Variants in MUC17 observed in about 807,000 individuals in gnomAD.
The protein encoded by MUC17 is mucin-17.
MUC17 carries 190 observed loss-of-function variants against 170.3 expected under a neutral mutation model. That is an observed-to-expected ratio of 1.12 (90% CI 0.99 to 1.26). The LOEUF is 1.26. Among genes scored for constraint, MUC17 ranks in the 50% most tolerant of loss-of-function variants. MUC17 has a pLI of 0.00. For missense variants in MUC17, 6,415 were observed against 5,530.0 expected, an observed-to-expected ratio of 1.16 and a Z score of -5.08; for synonymous variants, 2,325 against 2,002.5, an observed-to-expected ratio of 1.16 and a Z score of -4.30.
rs201331981 is a variant in MUC17 at position 101,035,731 on chromosome 7, A to C, written c.4315A>C (p.Thr1439Pro). ...TGCTGAAGCCACTTCATCTCCTACA[A>C]CTGCTGAAGGTATCAGCATACCAAC... ...TSAEATSSPT[T>P]AEGISIPTST... Residue 1439 changes from threonine to proline, a missense_variant, in exon 3 of 13, where the codon ACT (threonine) becomes CCT (proline). Transcript: ENST00000306151. 3.7e-6 allele frequency: 6 copies of C among 1,608,888 alleles called. No homozygotes were observed. Among genetic ancestry groups the C allele is most frequent in the African/African-American group, 1.3e-5 (1 of 74,236 alleles).
At position 101,033,687 on chromosome 7, in the gene MUC17, G is replaced by C. The variant is rs138994021; in HGVS notation, c.2271G>C (p.Thr757=). 2 of 1,606,920 alleles carry C rather than the reference G, an allele frequency of 1.2e-6. No individual in the cohort carries two copies. The change falls in exon 3 of 13, where the codon ACG becomes ACC. Residue 757 remains threonine (T), a synonymous_variant. Coordinates refer to ENST00000306151, the MANE Select transcript of MUC17 (RefSeq NM_001040105.2). ...TAACAAGTATGCCTGTCAGCAAAAC[G>C]CTGTTGACCAGTTCTGAGGCTAGCA... The part of the protein sequence containing the change: ...TPLTSMPVSK[T]LLTSSEASTL...
rs758817472 is a variant in MUC17 at position 101,034,727 on chromosome 7, C to A, written c.3311C>A (p.Thr1104Lys). The A allele has an allele frequency of 1.2e-5, 19 of 1,606,850 alleles. No individual in the cohort carries two copies. In the African/African-American group the frequency reaches 2.3e-4, roughly 19 times the overall value. Reference protein sequence around the residue: ...STYSEGSTPLTSVPVSTRLVV... With the variant: ...STYSEGSTPLKSVPVSTRLVV... The stretch of plus-strand genomic sequence containing the variant: ...TATAGTGAAGGAAGCACTCCACTAA[C>A]AAGTGTGCCTGTCAGCACCAGGCTG... Residue 1104 changes from threonine to lysine, a missense_variant, in exon 3 of 13, where the codon ACA becomes AAA. Coordinates refer to ENST00000306151, the MANE Select transcript of MUC17 (RefSeq NM_001040105.2).
Position 101,053,324 on chromosome 7 carries a change from T to C in MUC17, c.13266-15T>C. On this transcript the variant is annotated splice_polypyrimidine_tract_variant and intron_variant, in intron 10 of 12. Transcript: ENST00000306151. Reference sequence around the variant, plus strand: ...CCCAATCCTAATGGGGTCTCTCTGATGTTTCCATCACTAGGCAAAAGTACA... The same window carrying C: ...CCCAATCCTAATGGGGTCTCTCTGACGTTTCCATCACTAGGCAAAAGTACA... The C allele has an allele frequency of 6.2e-7, 1 of 1,611,670 alleles. No homozygotes were observed. Among genetic ancestry groups the C allele is most frequent in the Non-Finnish European group, 8.5e-7 (1 of 1,177,744 alleles).
rs369253246 is a variant in MUC17 at position 101,020,178 on chromosome 7, G to A, written c.43G>A (p.Val15Ile). Residue 15 changes from valine (V) to isoleucine (I), a missense_variant, in exon 1 of 13, where the codon GTC becomes ATC. Val to Ile is a conservative substitution (Grantham distance 29). Coordinates refer to ENST00000306151, the MANE Select transcript of MUC17 (RefSeq NM_001040105.2). ...GTMALCLLTL[V>I]LSLLPPQAAA... ...CATGGCGCTGTGTCTGCTGACCTTG[G>A]TCCTCTCGCTCTTGCCCCCACAAGC... is the stretch of plus-strand genomic sequence containing the variant. 3.7e-6 allele frequency: 6 copies of A among 1,609,578 alleles called. No individual in the cohort carries two copies. Among genetic ancestry groups the A allele is most frequent in the South Asian group, 1.1e-5 (1 of 89,988 alleles).
At chr7:101,051,359 C>A in intron 7 of MUC17, among the ~76,000 whole-genome samples, 1 of 82,068 alleles carries the variant, frequency 1.2e-5, no homozygotes, top group African/African-American at 4.8e-5. Flanking sequence ...AGCAATACTC[C>A]ATCTCAAAAA....
rs1307289189 is a variant in MUC17 at position 101,043,517 on chromosome 7, C to A, written c.12101C>A (p.Pro4034His). Residue 4034 changes from proline (P) to histidine (H), a missense_variant, in exon 3 of 13, where the codon CCT (proline) becomes CAT (histidine). Transcript: ENST00000306151. ...TCAACGCTTTCTGCAACCAGTACAC[C>A]TCACACCTCTACTTCTGTCACCACC... ...SASTLSATST[P>H]HTSTSVTTRP... 6.2e-7 allele frequency: 1 copy of A among 1,614,208 alleles called. No individual in the cohort carries two copies. The highest frequency in any genetic ancestry group is 2.2e-5 in the East Asian group (1 of 44,894).
rs10264727 is a variant in MUC17, at chr7:101,034,663, T to C, written c.3247T>C (p.Ser1083Pro). Residue 1083 changes from serine to proline, a missense_variant, in exon 3 of 13, where the codon TCT (serine) becomes CCT (proline). Coordinates refer to ENST00000306151, the MANE Select transcript of MUC17 (RefSeq NM_001040105.2). ...VTTYSQASSS[S>P]TTADGTSMPT... ...CACTTATTCTCAAGCCAGTTCATCT[T>C]CTACAACTGCTGACGGTACCAGCAT... 198,024 of 1,606,646 alleles carry C rather than the reference T, an allele frequency of 0.12. 49 individuals are homozygous for C. The highest frequency in any genetic ancestry group is 0.27 in the African/African-American group (19,715 of 73,212).
intron 7 of MUC17, among the ~76,000 whole-genome samples, chr7:101,051,396 G>C: frequency 7.3e-6 from 1 of 136,086 alleles, no homozygotes; most frequent in South Asian, 2.5e-4. Context: ...AAAAGAGTAA[G>C]AAAGAAAATA....
intron 3 of MUC17, among the ~76,000 whole-genome samples, chr7:101,044,172 G>A (rs1451018883): frequency 3.3e-5 from 5 of 152,132 alleles, no homozygotes; most frequent in African/African-American, 9.7e-5. Flanking sequence ...ATGTGAACTC[G>A]TCCTTTTTTA....
In MUC17 at chr7:101,032,714, C is replaced by A. The variant is rs750847845; in HGVS notation, c.1298C>A (p.Ser433Tyr). 6.3e-7 allele frequency: 1 copy of A among 1,576,656 alleles called. No homozygotes were observed. The highest frequency in any genetic ancestry group is 8.7e-7 in the Non-Finnish European group (1 of 1,154,644). Reference sequence around the variant, plus strand: ...ACCACTGCTAGTGAAGCCAGCTCATCTCCCACAACTGCTGAAGATACCAGC... The same window carrying A: ...ACCACTGCTAGTGAAGCCAGCTCATATCCCACAACTGCTGAAGATACCAGC... ...FVTTASEASSSPTTAEDTSIA... is the reference protein window; with the variant it reads ...FVTTASEASSYPTTAEDTSIA... Residue 433 changes from serine to tyrosine, a missense_variant, in exon 3 of 13, where the codon TCT becomes TAT. Physicochemically the swap from Ser to Tyr is moderately radical, Grantham distance 144. Coordinates refer to ENST00000306151, the MANE Select transcript of MUC17 (RefSeq NM_001040105.2).
intron 9 of MUC17, 71 bp downstream of exon 9, chr7:101,052,033 C>A (rs1188148663): frequency 6.5e-7 from 1 of 1,529,256 alleles, no homozygotes; most frequent in African/African-American, 1.4e-5. Flanking sequence ...AGGGCTTCAC[C>A]CCAGGCATTG....
At chr7:101,053,588 C>A (rs1048910250) in intron 11 of MUC17, 152 bp downstream of exon 11, 6 of 567,550 alleles carry the variant, frequency 1.1e-5, no homozygotes, top group East Asian at 5.8e-5. Context: ...GGCAACAACA[C>A]AGCAAAACTC....
At chr7:101,052,456 G>A (rs1355405536) in intron 9 of MUC17, among the ~76,000 whole-genome samples, 2 of 152,186 alleles carry the variant, frequency 1.3e-5, no homozygotes, top group East Asian at 3.9e-4. Context: ...GCCACATGTG[G>A]GCAAAGACCT....
At position 101,053,116 on chromosome 7, in the gene MUC17, C is replaced by T; in HGVS notation, c.13234C>T (p.Leu4412Phe). The stretch of plus-strand genomic sequence containing the variant: ...GATCATCCTGGTAGCTCTCCTGATG[C>T]TCGTTTTCCGCTCCAAGAGAGAGGT... ...MLIILVALLM[L>F]VFRSKREVKR... is the part of the protein sequence containing the mutation. The change falls in exon 10 of 13, where the codon CTC becomes TTC. Residue 4412 changes from leucine to phenylalanine, a missense_variant. Physicochemically the swap from Leu to Phe is conservative, Grantham distance 22. Coordinates refer to ENST00000306151, the MANE Select transcript of MUC17 (RefSeq NM_001040105.2). The T allele has an allele frequency of 6.2e-7, 1 of 1,614,024 alleles. No individual in the cohort carries two copies. Among genetic ancestry groups the T allele is most frequent in the South Asian group, 1.1e-5 (1 of 91,064 alleles).
rs1311661458 is a variant in MUC17 at position 101,031,195 on chromosome 7, A to G, written c.158A>G (p.Gln53Arg). The G allele has an allele frequency of 1.9e-6, 3 of 1,613,720 alleles. No individual in the cohort carries two copies. In the African/African-American group the frequency reaches 4.0e-5, roughly 22 times the overall value. The change falls in exon 2 of 13, where the codon CAG (glutamine) becomes CGG (arginine). Residue 53 changes from glutamine to arginine, a missense_variant. Coordinates refer to ENST00000306151, the MANE Select transcript of MUC17 (RefSeq NM_001040105.2). ...SQGDVLNRQC[Q>R]QLSQHVRTGS... is the part of the protein sequence containing the mutation. ...GGGGACGTCTTGAACCGTCAGTGCC[A>G]GCAGCTGTCTCAGCACGTTAGGACA...
Position 101,038,906 on chromosome 7 carries a change from C to T in MUC17, c.7490C>T (p.Pro2497Leu), listed in dbSNP as rs756968324. The T allele has an allele frequency of 1.9e-5, 30 of 1,614,086 alleles. No individual in the cohort carries two copies. Among genetic ancestry groups the T allele is most frequent in the Non-Finnish European group, 2.4e-5 (28 of 1,180,016 alleles). Residue 2497 changes from proline (P) to leucine (L), a missense_variant, in exon 3 of 13, where the codon CCT becomes CTT. Physicochemically the swap from Pro to Leu is moderately conservative, Grantham distance 98 (BLOSUM62 -3). Coordinates refer to ENST00000306151, the MANE Select transcript of MUC17 (RefSeq NM_001040105.2). ...MTTSTEASSS[P>L]TTAEDIVVPI... ...ACTTCTACTGAAGCCAGTTCATCTCCTACAACTGCTGAAGATATCGTCGTG... is the reference window on the plus strand; with the variant it reads ...ACTTCTACTGAAGCCAGTTCATCTCTTACAACTGCTGAAGATATCGTCGTG...
chr7:101,042,705 A>G lies in MUC17; in HGVS notation c.11289A>G (p.Thr3763=), dbSNP rs964837981. The part of the protein sequence containing the change: ...TLGTTILVST[T]PVTRFPESST... ...GGACCACTATTCTTGTCAGTACCAC[A>G]CCTGTTACGAGGTTTCCTGAGAGTA... The change falls in exon 3 of 13, where the codon ACA becomes ACG. Residue 3763 remains threonine, a synonymous_variant. Coordinates refer to ENST00000306151, the MANE Select transcript of MUC17 (RefSeq NM_001040105.2). 6.2e-7 allele frequency: 1 copy of G among 1,613,666 alleles called. No individual in the cohort carries two copies. Among genetic ancestry groups the G allele is most frequent in the Non-Finnish European group, 8.5e-7 (1 of 1,180,038 alleles).
Position 101,053,404 on chromosome 7 carries a change from C to T in MUC17, c.13331C>T (p.Thr4444Ile), listed in dbSNP as rs751842112. ...GAGGACAGTGGACCAGCTCCTGGGACCTTCCAAAACATTGGCTTTGACATC... is the reference window on the plus strand; with the variant it reads ...GAGGACAGTGGACCAGCTCCTGGGATCTTCCAAAACATTGGCTTTGACATC... Reference protein sequence around the residue: ...QEEDSGPAPGTFQNIGFDICQ... With the variant: ...QEEDSGPAPGIFQNIGFDICQ... Residue 4444 changes from threonine (T) to isoleucine (I), a missense_variant, in exon 11 of 13, where the codon ACC becomes ATC. Coordinates refer to ENST00000306151, the MANE Select transcript of MUC17 (RefSeq NM_001040105.2). 1.5e-5 allele frequency: 24 copies of T among 1,613,856 alleles called. No individual in the cohort carries two copies. The African/African-American group carries it at 2.8e-4, about 19-fold the overall frequency.
chr7:101,058,721 G>A lies in MUC17; in HGVS notation c.*677G>A, dbSNP rs1336353494. The A allele has an allele frequency of 6.6e-6, 1 of 152,024 alleles. No individual in the cohort carries two copies. Among genetic ancestry groups the A allele is most frequent in the Non-Finnish European group, 1.5e-5 (1 of 68,014 alleles). 9.4% of individuals were successfully genotyped at this position (152,024 alleles called of 1,614,324 possible). A position where few individuals can be genotyped will look rare whatever the true frequency, so the allele number is the denominator to read the frequency against. ...TGAAAAACACCTGTATTTAAATATA[G>A]AGCATTTACCTTTTGGTATATAAGA... is the stretch of plus-strand genomic sequence containing the variant. On this transcript the variant is annotated 3_prime_UTR_variant, in exon 13 of 13. Coordinates refer to ENST00000306151, the MANE Select transcript of MUC17 (RefSeq NM_001040105.2).
Sources: allele counts gnomAD v4.1 joint callset (sites outside exome capture counted in the v4.1 genomes callset), GRCh38; gene constraint gnomAD v4.1.1; transcripts MANE v1.5; gene names NCBI Gene and HGNC (gene_info 2026-07-23, HGNC 2026-07-21).